Variants in TFDP1 observed in about 807,000 individuals in gnomAD.
TFDP1 encodes the protein DRTF1-polypeptide 1.
TFDP1 carries 6 observed loss-of-function variants against 48.0 expected under a neutral mutation model. The ratio of observed to expected loss-of-function variants is 0.13; its 90% confidence interval spans 0.07 to 0.25. The LOEUF (loss-of-function observed/expected upper bound fraction) is 0.25. TFDP1 is among the 10% of genes least tolerant of loss of function. The pLI, the probability that TFDP1 is intolerant of heterozygous loss-of-function variation, is 1.00. For missense variants in TFDP1, 335 were observed against 543.0 expected (o/e 0.62, Z 3.81); for synonymous variants, 201 against 211.6 (o/e 0.95, Z 0.44).
intron 2 of TFDP1, among the ~76,000 whole-genome samples, chr13:113,599,060 G>A (rs4150707): frequency 6.6e-6 from 1 of 152,170 alleles, no homozygotes; most frequent in East Asian, 1.9e-4. Context: ...TTGTTTCTGG[G>A]GATGCCCTAG....
intron 3 of TFDP1, among the ~76,000 whole-genome samples, chr13:113,612,587 T>G (rs1566654289): frequency 6.6e-6 from 1 of 152,214 alleles, no homozygotes; most frequent in African/African-American, 2.4e-5. Context: ...GAAGCAGAAA[T>G]AACAATAAAA....
chr13:113,638,246 G>A lies in TFDP1; in HGVS notation c.1085+350G>A, dbSNP rs143805038. On this transcript the variant is annotated intron_variant, in intron 11 of 11. Coordinates refer to ENST00000375370, the MANE Select transcript of TFDP1 (RefSeq NM_007111.5). ...TTCCCATTTTTCAGAACGCGTCTGC[G>A]GTCACAGCGCACGTATTTTTCAGAA... Among the ~76,000 whole-genome samples the A allele has an allele frequency of 7.6e-3, 1,142 of 151,234 alleles. 7 individuals are homozygous for A. Among genetic ancestry groups the A allele is most frequent in the Admixed American group, 0.012 (182 of 15,190 alleles).
intron 2 of TFDP1, among the ~76,000 whole-genome samples, chr13:113,595,890 G>A (rs1480713288): frequency 6.6e-6 from 1 of 152,206 alleles, no homozygotes; most frequent in East Asian, 1.9e-4. Flanking sequence ...AGACCATCCT[G>A]GCTAACATGG....
intron 11 of TFDP1, 49 bp downstream of exon 11, chr13:113,637,945 G>C (rs369544701): frequency 1.3e-5 from 21 of 1,595,736 alleles, no homozygotes; most frequent in African/African-American, 2.7e-5. Context: ...GCCTCCCCCG[G>C]GGTCCAGGGG....
At chr13:113,588,050 A>G (rs1835334959) in intron 2 of TFDP1, among the ~76,000 whole-genome samples, 1 of 152,090 alleles carries the variant, frequency 6.6e-6, no homozygotes, top group Admixed American at 6.5e-5. Context: ...GGGTTTCACC[A>G]TGTTGGCCAG....
chr13:113,603,129 T>C (rs2048481280), intron 2 of TFDP1, among the ~76,000 whole-genome samples: 1 of 152,146 alleles, frequency 6.6e-6, no homozygotes, highest in Non-Finnish European at 1.5e-5. Flanking sequence ...TTCAGTAGAT[T>C]AGAAAGTGCA....
chr13:113,600,243 TGA>T (rs2048381260), intron 2 of TFDP1, among the ~76,000 whole-genome samples: 1 of 136,310 alleles, frequency 7.3e-6, no homozygotes, highest in African/African-American at 2.8e-5. Context: ...TCCAGGACCA[TGA>T]GAGAGAACCC....
At chr13:113,632,559 C>T (rs943710537) in intron 5 of TFDP1, among the ~76,000 whole-genome samples, 2 of 152,144 alleles carry the variant, frequency 1.3e-5, no homozygotes, top group African/African-American at 2.4e-5. Context: ...CAGCAGATCA[C>T]GAGTTCAAGA....
Position 113,591,027 on chromosome 13 carries a change from A to AAAAG in TFDP1, c.12+5182_12+5185dup, listed in dbSNP as rs2048130792. ...TCTGTCTCAAAAAAAAAAAAAAAAA[A>AAAAG]AAAGAAAAAGAAAATTATAGGTTAA... On this transcript the variant is annotated intron_variant, in intron 2 of 11. Transcript: ENST00000375370. Among the ~76,000 whole-genome samples, 3 of 129,866 alleles carry AAAAG rather than the reference A, an allele frequency of 2.3e-5. No individual in the cohort carries two copies. The South Asian group carries it at 6.5e-4, about 28-fold the overall frequency. The allele number at this position is 129,866 out of a possible 152,430, so 85.2% of individuals were successfully genotyped here.
intron 9 of TFDP1, 131 bp downstream of exon 9, chr13:113,636,259 T>TTGGGG: frequency 7.6e-7 from 1 of 1,320,916 alleles, no homozygotes; most frequent in African/African-American, 1.5e-5. Flanking sequence ...TTGCTGTCCA[T>TTGGGG]TGGGGGGTGG....
At position 113,636,627 on chromosome 13, in the gene TFDP1, G is replaced by A. The variant is rs147172256; in HGVS notation, c.933G>A (p.Ser311=). 2.7e-5 allele frequency: 44 copies of A among 1,613,666 alleles called. No individual in the cohort carries two copies. The highest frequency in any genetic ancestry group is 1.6e-4 in the Middle Eastern group (1 of 6,084). Residue 311 remains serine, a synonymous_variant, in exon 10 of 12, where the codon TCG becomes TCA. Coordinates refer to ENST00000375370, the MANE Select transcript of TFDP1 (RefSeq NM_007111.5). ...TGGGCATGGCTTGCGGGCTGGAGTC[G>A]GGGAGCTGCTCTGCCGAAGACCTTA... ...KRMGMACGLE[S]GSCSAEDLKM... is the part of the protein sequence containing the mutation.
At chr13:113,614,152 A>ATG (rs376558205) in intron 3 of TFDP1, among the ~76,000 whole-genome samples, 5 of 148,604 alleles carry the variant, frequency 3.4e-5, no homozygotes, top group African/African-American at 1.2e-4. Context: ...GTGCGTGTGC[A>ATG]TGTGTGTGTG....
At chr13:113,602,251 G>A (rs2048453538) in intron 2 of TFDP1, among the ~76,000 whole-genome samples, 1 of 151,194 alleles carries the variant, frequency 6.6e-6, no homozygotes, top group African/African-American at 2.4e-5. Context: ...AGTCGAGGGA[G>A]GAGTGGACTG....
intron 2 of TFDP1, among the ~76,000 whole-genome samples, chr13:113,589,926 G>A (rs776097006): frequency 1.1e-4 from 17 of 152,342 alleles, no homozygotes; most frequent in Non-Finnish European, 1.6e-4. Flanking sequence ...ACATCCTGTC[G>A]TCACACACGA....
At chr13:113,624,664 GTCTCTCAGGGTA>G (rs1173967996) in intron 4 of TFDP1, among the ~76,000 whole-genome samples, 3 of 143,262 alleles carry the variant, frequency 2.1e-5, no homozygotes, top group Admixed American at 6.9e-5. Flanking sequence ...GTCCTCAGGT[GTCTCTCAGGGTA>G]TCTCTCACAT....
Position 113,637,901 on chromosome 13 carries a change from C to T in TFDP1, c.1085+5C>T. The T allele has an allele frequency of 1.2e-6, 2 of 1,612,800 alleles. No homozygotes were observed. Among genetic ancestry groups the T allele is most frequent in the Non-Finnish European group, 1.7e-6 (2 of 1,179,792 alleles). On this transcript the variant is annotated splice_donor_5th_base_variant and intron_variant, in intron 11 of 11. Coordinates refer to ENST00000375370, the MANE Select transcript of TFDP1 (RefSeq NM_007111.5). The stretch of plus-strand genomic sequence containing the variant: ...CGGCACAAGGTTCTCTGCCAGGTGA[C>T]AGTCGTTGAGGGTGTGGGAGAGGCG...
chr13:113,620,789 T>G (rs1467347605), intron 3 of TFDP1, among the ~76,000 whole-genome samples: 6 of 152,226 alleles, frequency 3.9e-5, no homozygotes, highest in Non-Finnish European at 8.8e-5. Context: ...ACACCTTTAT[T>G]TTTGGAAGAA....
rs1275835219 is a variant in TFDP1 at position 113,598,331 on chromosome 13, CATT to C, written c.12+12483_12+12485del. The stretch of plus-strand genomic sequence containing the variant: ...TTGTGCCTGTTGTAGACTAGAGCAT[CATT>C]TGGTGTTTTTCTGCTGGAAAAGCAG... On this transcript the variant is annotated intron_variant, in intron 2 of 11. Transcript: ENST00000375370. The surrounding 1 kb of genome is among the most constrained non-coding windows in gnomAD (Gnocchi z 4.2). Among the ~76,000 whole-genome samples, 9 of 152,146 alleles carry C rather than the reference CATT, an allele frequency of 5.9e-5. No homozygotes were observed. The highest frequency in any genetic ancestry group is 1.9e-4 in the African/African-American group (8 of 41,420).
intron 2 of TFDP1, among the ~76,000 whole-genome samples, chr13:113,588,129 C>T (rs1016072792): frequency 3.3e-5 from 5 of 152,240 alleles, no homozygotes; most frequent in African/African-American, 7.2e-5. Context: ...GGATTACAGG[C>T]GTGAGCCGCT....
Sources: gnomAD v4.1 joint callset for allele counts (sites outside exome capture counted in the v4.1 genomes callset) on GRCh38, gnomAD v4.1.1 for gene constraint, Gnocchi (gnomAD v3.1) non-coding constraint, MANE v1.5 for transcripts, NCBI Gene and HGNC (gene_info 2026-07-23, HGNC 2026-07-21) for gene names.